The following ZFPM2 variants were observed in gnomAD, a reference collection of about 807,000 sequenced individuals.
The protein encoded by ZFPM2 is zinc finger protein, FOG family member 2, also known as zinc finger protein ZFPM2.
Under a neutral mutation model 98.6 loss-of-function variants are expected in ZFPM2, and 20 were observed. The ratio of observed to expected loss-of-function variants is 0.20; its 90% CI spans 0.14 to 0.29. The LOEUF (loss-of-function observed/expected upper bound fraction) is 0.29. Among genes scored for constraint, ZFPM2 ranks in the 10% least tolerant of loss-of-function variants. The pLI is 1.00. For missense variants in ZFPM2, 1,310 were observed against 1,388.6 expected, an observed-to-expected ratio of 0.94 and a Z score of 0.90; for synonymous variants, 518 against 502.7, an observed-to-expected ratio of 1.03 and a Z score of -0.41.
chr8:105,613,647 A>C (rs1816354528), intron 4 of ZFPM2, among the ~76,000 whole-genome samples: 1 of 152,146 alleles, frequency 6.6e-6, no homozygotes, highest in African/African-American at 2.4e-5. Flanking sequence ...CCTTGTATAT[A>C]GACTAGGTCC....
chr8:105,634,202 C>A, intron 4 of ZFPM2, 44 bp from the exon 5 acceptor site: 1 of 1,452,348 alleles, frequency 6.9e-7, no homozygotes, highest in Non-Finnish European at 9.5e-7. Flanking sequence ...AGTTTTTAAT[C>A]AACGGAAGCA....
intron 5 of ZFPM2, among the ~76,000 whole-genome samples, chr8:105,665,621 A>G (rs1217454648): frequency 3.9e-5 from 6 of 152,216 alleles, no homozygotes; most frequent in Admixed American, 3.9e-4. Context: ...AAAGATCTGC[A>G]GGAAACTCAT....
intron 3 of ZFPM2, among the ~76,000 whole-genome samples, chr8:105,491,279 A>G (rs1048331786): frequency 3.9e-5 from 6 of 152,280 alleles, no homozygotes; most frequent in African/African-American, 1.4e-4. Flanking sequence ...CATAGTGAGA[A>G]GAGTACATTA....
chr8:105,575,329 C>T (rs1167904393), intron 4 of ZFPM2, among the ~76,000 whole-genome samples: 1 of 152,106 alleles, frequency 6.6e-6, no homozygotes, highest in Non-Finnish European at 1.5e-5. Context: ...GTTGTATCAC[C>T]CCCCTCCCTT....
chr8:105,724,973 A>G (rs1192499346), intron 5 of ZFPM2, among the ~76,000 whole-genome samples: 1 of 151,762 alleles, frequency 6.6e-6, no homozygotes, highest in Non-Finnish European at 1.5e-5. Context: ...GTGCAGTTCA[A>G]ATCTGTGTTA....
chr8:105,673,778 C>T lies in ZFPM2; in HGVS notation c.532+39421C>T, dbSNP rs1290724564. The stretch of plus-strand genomic sequence containing the variant: ...TAACTGAAAGCCACTTCTTTCTGAG[C>T]CTTATTCTATTGCTCTTAATGAAAT... On this transcript the variant is annotated intron_variant, in intron 5 of 7. Coordinates refer to ENST00000407775, the MANE Select transcript of ZFPM2 (RefSeq NM_012082.4). Among the ~76,000 whole-genome samples the T allele has an allele frequency of 6.6e-5, 10 of 152,112 alleles. No homozygotes were observed. The East Asian group carries it at 1.9e-3, about 29-fold the overall frequency.
chr8:105,473,093 G>A (rs1242879569), intron 3 of ZFPM2, among the ~76,000 whole-genome samples: 1 of 151,502 alleles, frequency 6.6e-6, no homozygotes, highest in Non-Finnish European at 1.5e-5. Flanking sequence ...GTAGAGATGG[G>A]GCATCAATAT....
chr8:105,354,615 C>G (rs1211543739), intron 1 of ZFPM2, among the ~76,000 whole-genome samples: 1 of 152,164 alleles, frequency 6.6e-6, no homozygotes, highest in Non-Finnish European at 1.5e-5. Context: ...ACTACTCTTC[C>G]ATTCCTTAAT....
At chr8:105,594,510 A>C (rs1815921175) in intron 4 of ZFPM2, among the ~76,000 whole-genome samples, 1 of 152,100 alleles carries the variant, frequency 6.6e-6, no homozygotes, top group Non-Finnish European at 1.5e-5. Flanking sequence ...TAAAAGCCTA[A>C]ATATTAATAG....
rs369234952 is a variant in ZFPM2 at position 105,788,900 on chromosome 8, A to G, written c.715A>G (p.Ile239Val). 2 of 1,613,516 alleles carry G rather than the reference A, an allele frequency of 1.2e-6. No individual in the cohort carries two copies. The highest frequency in any genetic ancestry group is 1.3e-5 in the African/African-American group (1 of 74,850). The change falls in exon 6 of 8, where the codon ATT becomes GTT. Residue 239 changes from isoleucine (I) to valine (V), a missense_variant. Physicochemically the swap from Ile to Val is conservative, Grantham distance 29. Transcript: ENST00000407775. ...TCCTCAGCAAGCTGCCATGGCTTCT[A>G]TTTTGCCCACAGCTATTGTCAATAG... ...LLPQQAAMASILPTAIVNKDI... is the reference protein window; with the variant it reads ...LLPQQAAMASVLPTAIVNKDI...
intron 3 of ZFPM2, among the ~76,000 whole-genome samples, chr8:105,502,527 A>G (rs1177792628): frequency 6.6e-6 from 1 of 152,228 alleles, no homozygotes; most frequent in Non-Finnish European, 1.5e-5. Flanking sequence ...TGGTAATTAT[A>G]GACCAGTCAG....
intron 4 of ZFPM2, among the ~76,000 whole-genome samples, chr8:105,562,183 G>A (rs964891841): frequency 1.7e-4 from 26 of 151,824 alleles, no homozygotes; most frequent in African/African-American, 6.3e-4. Flanking sequence ...GGTGGCGGGT[G>A]CCTGTAGTCC....
intron 5 of ZFPM2, among the ~76,000 whole-genome samples, chr8:105,731,877 A>C (rs1270857033): frequency 6.6e-6 from 1 of 151,806 alleles, no homozygotes; most frequent in Non-Finnish European, 1.5e-5. Context: ...TTAAGCTAAG[A>C]TGTCTGTTTG....
In ZFPM2 at chr8:105,673,277, A is replaced by G. The variant is rs1452961237; in HGVS notation, c.532+38920A>G. Among the ~76,000 whole-genome samples, 3 of 143,738 alleles carry G rather than the reference A, an allele frequency of 2.1e-5. No homozygotes were observed. The Admixed American group carries it at 2.1e-4, about 10-fold the overall frequency. The allele number at this position is 143,738 out of a possible 152,430, so 94.3% of individuals were successfully genotyped here. ...ATCAAGTCTCATTTTTTTTTTGTCA[A>G]AAAGCTGCACATTTTGTAACAGCAC... On this transcript the variant is annotated intron_variant, in intron 5 of 7. Coordinates refer to ENST00000407775, the MANE Select transcript of ZFPM2 (RefSeq NM_012082.4).
chr8:105,796,341 G>A (rs1448213947), intron 6 of ZFPM2, among the ~76,000 whole-genome samples: 1 of 152,154 alleles, frequency 6.6e-6, no homozygotes, highest in Non-Finnish European at 1.5e-5. Context: ...AGCTATTTAT[G>A]TCAAATAATT....
intron 5 of ZFPM2, among the ~76,000 whole-genome samples, chr8:105,671,936 C>T (rs1586188049): frequency 6.6e-6 from 1 of 152,228 alleles, no homozygotes; most frequent in African/African-American, 2.4e-5. Flanking sequence ...TATGATGCCC[C>T]TCTAACTGAT....
rs571204749 is a variant in ZFPM2, at chr8:105,644,784, G to T, written c.532+10427G>T. Among the ~76,000 whole-genome samples, 3 of 152,284 alleles carry T rather than the reference G, an allele frequency of 2.0e-5. No individual in the cohort carries two copies. The South Asian group carries it at 6.2e-4, about 32-fold the overall frequency. ...TCTTGCTGCATAGTCACAAAGTACA[G>T]TGGGAGCTAAGGAGATCTCTCTTGC... On this transcript the variant is annotated intron_variant, in intron 5 of 7. Transcript: ENST00000407775.
At chr8:105,364,927 C>T (rs916480691) in intron 1 of ZFPM2, among the ~76,000 whole-genome samples, 5 of 152,040 alleles carry the variant, frequency 3.3e-5, no homozygotes, top group African/African-American at 1.2e-4. Flanking sequence ...CTGCACCTCC[C>T]GTTTAGTCCT....
intron 1 of ZFPM2, among the ~76,000 whole-genome samples, chr8:105,409,017 T>C (rs988145322): frequency 2.6e-5 from 4 of 151,624 alleles, no homozygotes; most frequent in African/African-American, 9.7e-5. Flanking sequence ...GGTATTGGAG[T>C]GAGGAATGCT....
Sources: gnomAD v4.1 joint callset for allele counts (sites outside exome capture counted in the v4.1 genomes callset) on GRCh38, gnomAD v4.1.1 for gene constraint, MANE v1.5 for transcripts, NCBI Gene and HGNC (gene_info 2026-07-23, HGNC 2026-07-21) for gene names.